ABHD12: variants seen among roughly 807,000 people sequenced by gnomAD.
ABHD12 encodes abhydrolase domain containing 12, lysophospholipase, also known as lysophosphatidylserine lipase ABHD12.
Under a neutral mutation model 58.3 loss-of-function variants are expected in ABHD12, and 43 were observed. The observed-to-expected ratio is 0.74, with a 90% CI of 0.58 to 0.95. The LOEUF (loss-of-function observed/expected upper bound fraction) is 0.95. ABHD12 is among the 40% of genes least tolerant of loss of function. The pLI, the probability that ABHD12 is intolerant of heterozygous loss-of-function variation, is 0.00. For missense variants in ABHD12, 539 were observed against 537.2 expected (o/e 1.00, Z -0.03); for synonymous variants, 219 against 211.2 (o/e 1.04, Z -0.32).
intron 6 of ABHD12, among the ~76,000 whole-genome samples, chr20:25,311,949 C>T (rs1236616487): frequency 6.6e-6 from 1 of 152,058 alleles, no homozygotes; most frequent in Non-Finnish European, 1.5e-5. Context: ...TTCAAGCAAT[C>T]TGCCCACCTC....
intron 3 of ABHD12, among the ~76,000 whole-genome samples, chr20:25,320,939 T>G (rs571439482): frequency 1.3e-5 from 2 of 152,346 alleles, no homozygotes; most frequent in South Asian, 4.1e-4. Flanking sequence ...CTGAGGTTAA[T>G]TTTAACTCAG....
intron 2 of ABHD12, among the ~76,000 whole-genome samples, chr20:25,336,793 C>T (rs529318899): frequency 3.1e-4 from 47 of 152,244 alleles, no homozygotes; most frequent in Admixed American, 2.3e-3. Context: ...TGTGGCTTCC[C>T]GGGGAGGACA....
At chr20:25,355,944 T>C (rs1017717132) in intron 1 of ABHD12, among the ~76,000 whole-genome samples, 1 of 152,224 alleles carries the variant, frequency 6.6e-6, no homozygotes, top group African/African-American at 2.4e-5. Flanking sequence ...TGACTTCCTT[T>C]TGCATGCTTT....
Position 25,309,516 on chromosome 20 carries a change from C to T in ABHD12, c.679G>A (p.Val227Ile), listed in dbSNP as rs199647442. 47 of 1,614,082 alleles carry T rather than the reference C, an allele frequency of 2.9e-5. No homozygotes were observed. Among genetic ancestry groups the T allele is most frequent in the East Asian group, 8.9e-5 (4 of 44,900 alleles). Reference sequence around the variant, plus strand: ...CTTCTTGCTTTGATCCAGTCAAAAACGTGGAGTGCGTCATAGGTCATGCCC... The same window carrying T: ...CTTCTTGCTTTGATCCAGTCAAAAATGTGGAGTGCGTCATAGGTCATGCCC... ...ERGMTYDALH[V>I]FDWIKARSGD... The change falls in exon 7 of 13, where the codon GTT (valine) becomes ATT (isoleucine). Residue 227 changes from valine to isoleucine, a missense_variant. By Grantham distance (29) the Val-to-Ile change is conservative. Coordinates refer to ENST00000339157, the MANE Select transcript of ABHD12 (RefSeq NM_001042472.3).
chr20:25,378,919 A>C (rs2089990920), intron 1 of ABHD12, among the ~76,000 whole-genome samples: 1 of 152,176 alleles, frequency 6.6e-6, no homozygotes, highest in Admixed American at 6.5e-5. Flanking sequence ...CTTATCCGCT[A>C]AACTTATCAC....
At chr20:25,357,175 C>T (rs2089679937) in intron 1 of ABHD12, among the ~76,000 whole-genome samples, 1 of 152,188 alleles carries the variant, frequency 6.6e-6, no homozygotes, top group South Asian at 2.1e-4. Flanking sequence ...AGCACTTCCT[C>T]ACCCAACCCC....
chr20:25,303,706 C>G, intron 10 of ABHD12, 78 bp from the exon 11 acceptor site: 1 of 1,594,174 alleles, frequency 6.3e-7, no homozygotes, highest in Non-Finnish European at 8.5e-7. Flanking sequence ...TGGCAGGGAT[C>G]TGGGTTCAGG....
intron 12 of ABHD12, among the ~76,000 whole-genome samples, chr20:25,301,591 C>CCT (rs1247603899): frequency 6.6e-6 from 1 of 152,246 alleles, no homozygotes; most frequent in Non-Finnish European, 1.5e-5. Flanking sequence ...GGGGTGGGGG[C>CCT]CTGTGTCCTC....
At chr20:25,295,304 G>GC (rs1450850310), downstream of ABHD12, among the ~76,000 whole-genome samples, 1 of 152,270 alleles carries the variant, frequency 6.6e-6, no homozygotes. Context: ...CCCATGTGCA[G>GC]CTCTAACTGC....
At chr20:25,304,887 G>A (rs924077754) in intron 10 of ABHD12, among the ~76,000 whole-genome samples, 8 of 151,218 alleles carry the variant, frequency 5.3e-5, no homozygotes, top group African/African-American at 1.9e-4. Flanking sequence ...TTTTTAAGAA[G>A]GAATCCAGTT....
chr20:25,378,336 C>G (rs1037290848), intron 1 of ABHD12, among the ~76,000 whole-genome samples: 6 of 152,084 alleles, frequency 3.9e-5, no homozygotes, highest in African/African-American at 1.4e-4. Flanking sequence ...CCTTGTATCC[C>G]CAGGGCCTGG....
chr20:25,352,771 T>C (rs773559990), intron 1 of ABHD12, among the ~76,000 whole-genome samples: 5 of 152,134 alleles, frequency 3.3e-5, no homozygotes, highest in Non-Finnish European at 5.9e-5. Flanking sequence ...AGGCCAGGCA[T>C]GGTAGCTGAT....
intron 1 of ABHD12, among the ~76,000 whole-genome samples, chr20:25,346,212 A>C (rs1440147774): frequency 2.0e-5 from 3 of 152,196 alleles, no homozygotes; most frequent in Admixed American, 6.5e-5. Flanking sequence ...TAAGTGAAAG[A>C]AGCTCATCTC....
At chr20:25,374,506 T>C (rs1197283665) in intron 1 of ABHD12, among the ~76,000 whole-genome samples, 1 of 152,204 alleles carries the variant, frequency 6.6e-6, no homozygotes, top group Non-Finnish European at 1.5e-5. Flanking sequence ...TGTTTGTTTG[T>C]TTTTGAGATG....
At chr20:25,328,498 C>T (rs569793580) in intron 2 of ABHD12, among the ~76,000 whole-genome samples, 115 of 152,292 alleles carry the variant, frequency 7.6e-4, no homozygotes, top group Middle Eastern at 6.8e-3. Context: ...CACTGAGGGC[C>T]GAGGACACTG....
intron 1 of ABHD12, 21 bp from the exon 2 acceptor site, chr20:25,339,372 A>G: frequency 1.9e-6 from 3 of 1,614,028 alleles, no homozygotes; most frequent in Non-Finnish European, 1.7e-6. Flanking sequence ...AAAGCAATGA[A>G]TAGGTCAGAA....
chr20:25,318,844 CA>C (rs1376099003), intron 4 of ABHD12, among the ~76,000 whole-genome samples: 1 of 152,182 alleles, frequency 6.6e-6, no homozygotes, highest in Non-Finnish European at 1.5e-5. Context: ...GGAAACTGTG[CA>C]GCACATGCAT....
chr20:25,296,652 C>T (rs2088551625), downstream of ABHD12: 12 of 1,232,142 alleles, frequency 9.7e-6, no homozygotes, highest in Non-Finnish European at 1.3e-5. Context: ...CCAGGAGGGG[C>T]CATGGGGGTC....
At chr20:25,339,441 G>C (rs2146035975) in intron 1 of ABHD12, 90 bp from the exon 2 acceptor site, 1 of 1,589,558 alleles carries the variant, frequency 6.3e-7, no homozygotes, top group East Asian at 2.2e-5. Context: ...CCCTAAACAA[G>C]AGCCACACAT....
Sources: allele counts gnomAD v4.1 joint callset (sites outside exome capture counted in the v4.1 genomes callset), GRCh38; gene constraint gnomAD v4.1.1; transcripts MANE v1.5; gene names NCBI Gene and HGNC (gene_info 2026-07-23, HGNC 2026-07-21).